Variants in PTPRN2 observed in about 807,000 individuals in gnomAD.
The protein encoded by PTPRN2 is receptor-type tyrosine-protein phosphatase N2.
PTPRN2 carries 74 observed loss-of-function variants against 118.8 expected under a neutral mutation model. The observed-to-expected ratio is 0.62, with a 90% CI of 0.52 to 0.76. The LOEUF is 0.76. PTPRN2 is among the 30% of genes least tolerant of loss of function. PTPRN2 has a pLI of 0.00. For synonymous variants in PTPRN2, 641 were observed against 608.0 expected, an observed-to-expected ratio of 1.05 and a Z score of -0.80; for missense variants, 1,481 against 1,394.4, an observed-to-expected ratio of 1.06 and a Z score of -0.99.
chr7:158,477,487 A>G (rs1307080113), intron 2 of PTPRN2, among the ~76,000 whole-genome samples: 1 of 152,204 alleles, frequency 6.6e-6, no homozygotes, highest in African/African-American at 2.4e-5. Flanking sequence ...TATACGTATA[A>G]TTCATTTTTT....
chr7:158,219,455 T>A (rs1193559556), intron 3 of PTPRN2, among the ~76,000 whole-genome samples: 2 of 151,068 alleles, frequency 1.3e-5, no homozygotes, highest in Non-Finnish European at 3.0e-5. Flanking sequence ...AACAACTACA[T>A]CATAAAGTTA....
chr7:157,689,059 G>C lies in PTPRN2; in HGVS notation c.1789-6122C>G, dbSNP rs558842083. ...TCCCCAACCACGCCCGCGTCCACCC[G>C]TGAATCCCGGCGCTCGCAGCCCCCG... On this transcript the variant is annotated intron_variant, in intron 12 of 22. Coordinates refer to ENST00000389418, the MANE Select transcript of PTPRN2 (RefSeq NM_002847.5). Among the ~76,000 whole-genome samples, 207 of 152,320 alleles carry C rather than the reference G, an allele frequency of 1.4e-3. 1 individual carries two copies. Among genetic ancestry groups the C allele is most frequent in the South Asian group, 3.5e-3 (17 of 4,826 alleles).
chr7:157,996,593 G>C (rs1804764086), intron 11 of PTPRN2, among the ~76,000 whole-genome samples: 1 of 152,198 alleles, frequency 6.6e-6, no homozygotes, highest in Non-Finnish European at 1.5e-5. Flanking sequence ...GGTCCCCCAT[G>C]CCTGTTGGAG....
At chr7:158,310,603 G>A (rs1801628951) in intron 3 of PTPRN2, among the ~76,000 whole-genome samples, 1 of 152,242 alleles carries the variant, frequency 6.6e-6, no homozygotes, top group Non-Finnish European at 1.5e-5. Flanking sequence ...GGCCTGCTCG[G>A]GAGGTTCCTC....
At chr7:157,773,550 A>G (rs913257781) in intron 12 of PTPRN2, among the ~76,000 whole-genome samples, 10 of 152,188 alleles carry the variant, frequency 6.6e-5, no homozygotes, top group African/African-American at 2.4e-4. Flanking sequence ...AGGGGCCCCT[A>G]TGCACTCAAC....
intron 10 of PTPRN2, among the ~76,000 whole-genome samples, chr7:158,107,631 AAC>A (rs1815793885): frequency 6.6e-6 from 1 of 150,952 alleles, no homozygotes; most frequent in Admixed American, 6.6e-5. Context: ...TGTGTAGATC[AAC>A]ACACACTTTG....
At chr7:157,552,273 G>C (rs986540754) in intron 21 of PTPRN2, among the ~76,000 whole-genome samples, 1 of 152,168 alleles carries the variant, frequency 6.6e-6, no homozygotes, top group Non-Finnish European at 1.5e-5. Context: ...TAACTAAATA[G>C]CTTCCCGATA....
intron 12 of PTPRN2, among the ~76,000 whole-genome samples, chr7:157,717,069 A>AACACTGCCTGGCCACTTAGACTCTGCG (rs1563032551): frequency 2.2e-5 from 2 of 90,388 alleles, no homozygotes; most frequent in African/African-American, 7.9e-5. Flanking sequence ...TAGACTCTGC[A>AACACTGCCTGGCCACTTAGACTCTGCG]GGAACACTGC....
At chr7:158,260,038 T>C (rs1797294248) in intron 3 of PTPRN2, among the ~76,000 whole-genome samples, 1 of 141,736 alleles carries the variant, frequency 7.1e-6, no homozygotes, top group Non-Finnish European at 1.6e-5. Flanking sequence ...TATGTGCGTT[T>C]GTGTGTACAT....
chr7:158,247,460 G>A (rs570962049), intron 3 of PTPRN2, among the ~76,000 whole-genome samples: 279 of 151,658 alleles, frequency 1.8e-3, no homozygotes, highest in African/African-American at 6.3e-3. Flanking sequence ...TCTTCTTCAC[G>A]GCGCCCCTGC....
At chr7:158,487,634 C>A (rs1412253394) in intron 2 of PTPRN2, among the ~76,000 whole-genome samples, 1 of 152,072 alleles carries the variant, frequency 6.6e-6, no homozygotes, top group Non-Finnish European at 1.5e-5. Flanking sequence ...GAGAAAGAGA[C>A]CCTGCGGCTG....
At position 158,316,830 on chromosome 7, in the gene PTPRN2, A is replaced by G. The variant is rs771378463; in HGVS notation, c.266T>C (p.Leu89Pro). 1.2e-6 allele frequency: 2 copies of G among 1,603,574 alleles called. No individual in the cohort carries two copies. The highest frequency in any genetic ancestry group is 2.2e-5 in the South Asian group (2 of 90,620). ...CACGCCCGCCCTACCTGTGCCGGAA[A>G]GCTTCTGCAACGCCACGCGCAGGCG... ...LQRLRVALQKLSGTGFTWQDD... is the reference protein window; with the variant it reads ...LQRLRVALQKPSGTGFTWQDD... Residue 89 changes from leucine (L) to proline (P), a missense_variant, in exon 3 of 23, where the codon CTT (leucine) becomes CCT (proline). Leu to Pro is a moderately conservative substitution (Grantham distance 98, BLOSUM62 -3). Around this residue, in one of 3 missense-constraint regions of PTPRN2, gnomAD observed 1,115 missense variants for 994.2 expected, o/e 1.12. Coordinates refer to ENST00000389418, the MANE Select transcript of PTPRN2 (RefSeq NM_002847.5).
At chr7:158,008,416 G>T (rs1168817421) in intron 11 of PTPRN2, among the ~76,000 whole-genome samples, 4 of 152,256 alleles carry the variant, frequency 2.6e-5, no homozygotes, top group African/African-American at 9.6e-5. Flanking sequence ...CGCCAGGTCT[G>T]TGCATTTCAA....
At chr7:158,255,769 T>C (rs1364522779) in intron 3 of PTPRN2, among the ~76,000 whole-genome samples, 2 of 139,814 alleles carry the variant, frequency 1.4e-5, no homozygotes, top group Non-Finnish European at 1.6e-5. Flanking sequence ...GCCACTCTTT[T>C]CTGGCTGCCC....
intron 13 of PTPRN2, among the ~76,000 whole-genome samples, chr7:157,664,749 AC>A (rs1796053133): frequency 6.6e-6 from 1 of 152,274 alleles, no homozygotes; most frequent in East Asian, 1.9e-4. Flanking sequence ...ACAGAGCAAG[AC>A]CCTGTCCGCC....
intron 6 of PTPRN2, among the ~76,000 whole-genome samples, chr7:158,145,895 G>A (rs563419318): frequency 3.9e-4 from 59 of 152,338 alleles, no homozygotes; most frequent in African/African-American, 1.3e-3. Context: ...AGCGCTCATG[G>A]TCTGTGGTTT....
In PTPRN2 at chr7:157,944,268, C is replaced by A. The variant is rs1220761126; in HGVS notation, c.1724-45531G>T. 6.6e-6 allele frequency among the ~76,000 whole-genome samples: 1 copy of A among 152,138 alleles called. No individual in the cohort carries two copies. Among genetic ancestry groups the A allele is most frequent in the African/African-American group, 2.4e-5 (1 of 41,430 alleles). On this transcript the variant is annotated intron_variant, in intron 11 of 22. Transcript: ENST00000389418. The surrounding 1 kb of genome is among the most constrained non-coding windows in gnomAD (Gnocchi z 4.3). ...TTCGTCGCGAACGCCAGCCTGCCCC[C>A]ACGGTCATGTCCAGCTTAACCAACA...
chr7:157,557,880 A>G (rs1226896533), intron 21 of PTPRN2, among the ~76,000 whole-genome samples: 1 of 151,758 alleles, frequency 6.6e-6, no homozygotes, highest in East Asian at 1.9e-4. Context: ...TATAAGTTAA[A>G]GAAAATGTAG....
chr7:157,570,591 G>A (rs1349608811), intron 20 of PTPRN2, among the ~76,000 whole-genome samples: 2 of 152,186 alleles, frequency 1.3e-5, no homozygotes, highest in Non-Finnish European at 2.9e-5. Flanking sequence ...AGTACTATTA[G>A]GTTGAGTTTT....
Sources: gnomAD v4.1 joint callset for allele counts (sites outside exome capture counted in the v4.1 genomes callset) on GRCh38, gnomAD v4.1.1 for gene constraint, gnomAD v4.1.1 regional missense constraint, Gnocchi (gnomAD v3.1) non-coding constraint, MANE v1.5 for transcripts, NCBI Gene and HGNC (gene_info 2026-07-23, HGNC 2026-07-21) for gene names.